Variants in FMNL2 observed in about 807,000 individuals in gnomAD.
The protein encoded by FMNL2 is formin-like protein 2.
FMNL2 carries 51 observed loss-of-function variants against 130.2 expected under a neutral mutation model. The observed-to-expected ratio is 0.39, with a 90% confidence interval of 0.31 to 0.49. FMNL2 has a LOEUF of 0.49. Ranked by LOEUF, FMNL2 falls within the 20% of genes least tolerant of loss-of-function variation. The probability of loss-of-function intolerance (pLI) is 0.85; values close to 1 mark genes in which losing one functional copy is unlikely to be tolerated. For synonymous variants in FMNL2, 465 were observed against 467.1 expected, an observed-to-expected ratio of 1.00 and a Z score of 0.06; for missense variants, 977 against 1,316.2, an observed-to-expected ratio of 0.74 and a Z score of 3.99.
chr2:152,348,821 T>TTTG, intron 1 of FMNL2, among the ~76,000 whole-genome samples: 1 of 104,160 alleles, frequency 9.6e-6, no homozygotes, highest in Admixed American at 9.0e-5. Context: ...TCTAAGGGTT[T>TTTG]TTTTTTTTTT....
chr2:152,593,836 A>AGG (rs1240439124), intron 9 of FMNL2, among the ~76,000 whole-genome samples: 10 of 106,694 alleles, frequency 9.4e-5, no homozygotes, highest in African/African-American at 2.8e-4. Flanking sequence ...AGAGGTGACT[A>AGG]GGGAGAGAGA....
intron 1 of FMNL2, among the ~76,000 whole-genome samples, chr2:152,379,144 T>C (rs1033307720): frequency 4.6e-5 from 7 of 152,188 alleles, no homozygotes; most frequent in African/African-American, 1.7e-4. Flanking sequence ...GAGATTTGTT[T>C]AGAGACCGCT....
intron 2 of FMNL2, among the ~76,000 whole-genome samples, chr2:152,533,622 T>A (rs957074685): frequency 1.1e-4 from 16 of 150,482 alleles, no homozygotes; most frequent in African/African-American, 3.7e-4. Flanking sequence ...AATTTTAGAA[T>A]CAGCTTGTCA....
chr2:152,639,933 T>C, intron 23 of FMNL2, 25 bp from the exon 24 acceptor site: 1 of 1,529,722 alleles, frequency 6.5e-7, no homozygotes, highest in Non-Finnish European at 8.8e-7. Flanking sequence ...TAACATCATC[T>C]TTCTGGTTCT....
chr2:152,582,379 G>C (rs1156550200), intron 9 of FMNL2, among the ~76,000 whole-genome samples: 1 of 152,182 alleles, frequency 6.6e-6, no homozygotes, highest in Non-Finnish European at 1.5e-5. Context: ...TGTGAACAGG[G>C]CAGACACTCC....
intron 1 of FMNL2, among the ~76,000 whole-genome samples, chr2:152,495,253 AG>A: frequency 6.6e-6 from 1 of 152,204 alleles, no homozygotes; most frequent in East Asian, 1.9e-4. Context: ...CTGTTATTTC[AG>A]GTACTTTCTT....
At chr2:152,355,743 A>G (rs1022720299) in intron 1 of FMNL2, among the ~76,000 whole-genome samples, 17 of 152,222 alleles carry the variant, frequency 1.1e-4, no homozygotes, top group Non-Finnish European at 1.9e-4. Context: ...GCACTGCTCT[A>G]TGATGTGCTG....
At chr2:152,372,067 A>C (rs1205357523) in intron 1 of FMNL2, among the ~76,000 whole-genome samples, 1 of 152,234 alleles carries the variant, frequency 6.6e-6, no homozygotes, top group Non-Finnish European at 1.5e-5. Flanking sequence ...CAGCTTCTTT[A>C]AGCTCACATG....
At chr2:152,480,409 T>TC (rs994593561) in intron 1 of FMNL2, among the ~76,000 whole-genome samples, 1 of 151,880 alleles carries the variant, frequency 6.6e-6, no homozygotes, top group African/African-American at 2.4e-5. Context: ...GGCGGATGGA[T>TC]CACCTGCGGT....
chr2:152,594,294 TTGAC>T (rs936183456), intron 9 of FMNL2, among the ~76,000 whole-genome samples: 1 of 152,212 alleles, frequency 6.6e-6, no homozygotes, highest in Admixed American at 6.5e-5. Context: ...AAGTGCTTCT[TTGAC>T]TGCAGATATG....
intron 1 of FMNL2, among the ~76,000 whole-genome samples, chr2:152,455,956 T>G (rs1217332430): frequency 6.6e-6 from 1 of 152,240 alleles, no homozygotes; most frequent in East Asian, 1.9e-4. Flanking sequence ...CCTCAATTGA[T>G]CCTCCCACCT....
chr2:152,431,460 CT>C (rs1448798362), intron 1 of FMNL2, among the ~76,000 whole-genome samples: 2 of 152,174 alleles, frequency 1.3e-5, no homozygotes, highest in Non-Finnish European at 2.9e-5. Context: ...AGATTAACTT[CT>C]TTATGGATCA....
intron 1 of FMNL2, among the ~76,000 whole-genome samples, chr2:152,469,281 CATGTGTAA>C (rs1689727030): frequency 6.6e-6 from 1 of 152,220 alleles, no homozygotes; most frequent in Non-Finnish European, 1.5e-5. Flanking sequence ...TTCCTGATAT[CATGTGTAA>C]CACCGAGGAG....
In FMNL2 at chr2:152,554,145, C is replaced by T. The variant is rs1695084773; in HGVS notation, c.360-4595C>T. 2.0e-5 allele frequency among the ~76,000 whole-genome samples: 3 copies of T among 152,174 alleles called. No homozygotes were observed. In the South Asian group the frequency reaches 6.2e-4, roughly 31 times the overall value. On this transcript the variant is annotated intron_variant, in intron 4 of 25. Coordinates refer to ENST00000288670, the MANE Select transcript of FMNL2 (RefSeq NM_052905.4). ...AAATCCATTGGCCAGGTGCTGTGGC[C>T]TGCAGTCCCAGCAACTTTGGAAGGC... is the stretch of plus-strand genomic sequence containing the variant.
chr2:152,627,639 G>A (rs908217703), intron 17 of FMNL2, among the ~76,000 whole-genome samples: 18 of 152,150 alleles, frequency 1.2e-4, no homozygotes, highest in African/African-American at 4.3e-4. Context: ...ATGATTAAAT[G>A]TAATTCTATT....
chr2:152,602,721 A>C (rs1251702662), intron 9 of FMNL2, among the ~76,000 whole-genome samples: 1 of 152,202 alleles, frequency 6.6e-6, no homozygotes, highest in Non-Finnish European at 1.5e-5. Context: ...ATCAATATAG[A>C]ATGTGTAATG....
intron 1 of FMNL2, among the ~76,000 whole-genome samples, chr2:152,437,755 A>G (rs1687842415): frequency 2.0e-5 from 3 of 152,240 alleles, no homozygotes; most frequent in Admixed American, 1.3e-4. Context: ...CAAAAGTGAC[A>G]CAGTAGTCCC....
chr2:152,420,915 T>TGG (rs1686876161), intron 1 of FMNL2, among the ~76,000 whole-genome samples: 1 of 152,214 alleles, frequency 6.6e-6, no homozygotes, highest in South Asian at 2.1e-4. Flanking sequence ...TAGGAAGAAC[T>TGG]GGGTTTCGGA....
rs915917426 is a variant in FMNL2, at chr2:152,335,387, G to T, written c.-217G>T. 1.8e-5 allele frequency: 5 copies of T among 276,118 alleles called. No homozygotes were observed. Among genetic ancestry groups the T allele is most frequent in the Non-Finnish European group, 3.3e-5 (5 of 150,560 alleles). The allele number at this position is 276,118 out of a possible 1,614,324, so 17.1% of individuals were successfully genotyped here. A position where few individuals can be genotyped will look rare whatever the true frequency, so the allele number is the denominator to read the frequency against. On this transcript the variant is annotated 5_prime_UTR_variant, in exon 1 of 26. Transcript: ENST00000288670. The stretch of plus-strand genomic sequence containing the variant: ...CCCGAGGAAAAGAGGCCGGGGCCGC[G>T]CTGGGGCGGCGGAGAGCATGAGGGA...
Sources: gnomAD v4.1 joint callset for allele counts (sites outside exome capture counted in the v4.1 genomes callset) on GRCh38, gnomAD v4.1.1 for gene constraint, MANE v1.5 for transcripts, NCBI Gene and HGNC (gene_info 2026-07-23, HGNC 2026-07-21) for gene names.